Variants in TUT4 observed in about 807,000 individuals in gnomAD.
The protein encoded by TUT4 is terminal uridylyl transferase 4.
Under a neutral mutation model 192.2 loss-of-function variants are expected in TUT4, and 36 were observed. That is an observed-to-expected ratio of 0.19 (90% CI 0.14 to 0.25). The LOEUF (loss-of-function observed/expected upper bound fraction) is 0.25, where lower values mean the gene tolerates loss of function less well. Among genes scored for constraint, TUT4 ranks in the 10% least tolerant of loss-of-function variants. The pLI, the probability that TUT4 is intolerant of heterozygous loss-of-function variation, is 1.00. For missense variants in TUT4, 1,493 were observed against 1,957.2 expected (o/e 0.76, Z 4.47); for synonymous variants, 618 against 666.0 (o/e 0.93, Z 1.11).
At chr1:52,476,740 G>A (rs1667190741) in intron 12 of TUT4, among the ~76,000 whole-genome samples, 1 of 152,168 alleles carries the variant, frequency 6.6e-6, no homozygotes, top group South Asian at 2.1e-4. Flanking sequence ...TACAAGATGT[G>A]TATAAATGTT....
intron 20 of TUT4, among the ~76,000 whole-genome samples, chr1:52,452,618 T>G (rs542335859): frequency 2.0e-5 from 3 of 152,320 alleles, no homozygotes; most frequent in African/African-American, 7.2e-5. Flanking sequence ...CCAAATAGCT[T>G]CTTGATAGCT....
chr1:52,520,979 A>C (rs531404857), intron 2 of TUT4, among the ~76,000 whole-genome samples: 138 of 152,168 alleles, frequency 9.1e-4, no homozygotes, highest in African/African-American at 3.2e-3. Context: ...TTTTTAGTAG[A>C]AACGGGATTT....
intron 28 of TUT4, among the ~76,000 whole-genome samples, chr1:52,429,601 TA>T (rs1651343213): frequency 6.6e-6 from 1 of 151,216 alleles, no homozygotes; most frequent in South Asian, 2.1e-4. Flanking sequence ...TTTATTTATT[TA>T]TTTTTTTTTG....
At chr1:52,459,362 G>A (rs953881788) in intron 19 of TUT4, among the ~76,000 whole-genome samples, 2 of 151,888 alleles carry the variant, frequency 1.3e-5, no homozygotes, top group Non-Finnish European at 2.9e-5. Context: ...GCTGAGGAGG[G>A]TGGATTGCTT....
intron 9 of TUT4, among the ~76,000 whole-genome samples, chr1:52,482,527 C>T (rs1454594902): frequency 6.6e-6 from 1 of 152,144 alleles, no homozygotes; most frequent in Non-Finnish European, 1.5e-5. Context: ...GCAGGCTCAA[C>T]CTCCCAGCCT....
chr1:52,496,533 T>C (rs924301189), intron 5 of TUT4, among the ~76,000 whole-genome samples: 1 of 152,156 alleles, frequency 6.6e-6, no homozygotes, highest in Non-Finnish European at 1.5e-5. Context: ...AAAAAAGATA[T>C]GGGCTAAGCA....
At chr1:52,450,199 G>A (rs1658945398) in intron 20 of TUT4, among the ~76,000 whole-genome samples, 1 of 152,134 alleles carries the variant, frequency 6.6e-6, no homozygotes, top group Non-Finnish European at 1.5e-5. Flanking sequence ...AATTACAAAT[G>A]GAGGCAGACA....
intron 6 of TUT4, among the ~76,000 whole-genome samples, chr1:52,494,981 A>G (rs1175994652): frequency 6.6e-6 from 1 of 152,130 alleles, no homozygotes; most frequent in African/African-American, 2.4e-5. Context: ...ACCAGATACT[A>G]TATTAAGACA....
chr1:52,502,639 G>A (rs1674478613), intron 4 of TUT4, among the ~76,000 whole-genome samples: 1 of 101,670 alleles, frequency 9.8e-6, no homozygotes. Flanking sequence ...TTTTGAGATG[G>A]GATCTCACTC....
At chr1:52,534,894 A>T (rs542009364) in intron 1 of TUT4, 1 of 152,316 alleles carries the variant, frequency 6.6e-6, no homozygotes, top group African/African-American at 2.4e-5. Flanking sequence ...TAGGTTAGAA[A>T]TTATTCATTC....
At chr1:52,522,386 C>T (rs1449501629) in intron 2 of TUT4, among the ~76,000 whole-genome samples, 1 of 152,212 alleles carries the variant, frequency 6.6e-6, no homozygotes, top group Non-Finnish European at 1.5e-5. Context: ...ATTGCCATTG[C>T]ATGCCCACGT....
At chr1:52,544,281 C>G (rs1384082886) in intron 1 of TUT4, among the ~76,000 whole-genome samples, 1 of 148,484 alleles carries the variant, frequency 6.7e-6, no homozygotes, top group Non-Finnish European at 1.5e-5. Flanking sequence ...GAGTGAGACT[C>G]CATTTCAAAA....
At position 52,425,446 on chromosome 1, in the gene TUT4, G is replaced by A; in HGVS notation, c.4773C>T (p.Phe1591=). Residue 1591 remains phenylalanine, a synonymous_variant, in exon 29 of 30, where the codon TTC becomes TTT. Coordinates refer to ENST00000257177, the MANE Select transcript of TUT4 (RefSeq NM_001009881.3). ...IPWEHAPRPH[F]PLVPASWPYG... ...AAGGCCACGAAGCTGGGACAAGGGG[G>A]AAATGGGGACGCGGTGCATGTTCCC... The A allele has an allele frequency of 6.2e-7, 1 of 1,614,106 alleles. No individual in the cohort carries two copies. Among genetic ancestry groups the A allele is most frequent in the South Asian group, 1.1e-5 (1 of 91,072 alleles).
chr1:52,501,894 T>C (rs958164422), intron 4 of TUT4, among the ~76,000 whole-genome samples: 26 of 152,188 alleles, frequency 1.7e-4, no homozygotes, highest in African/African-American at 6.0e-4. Context: ...GTACCTACAA[T>C]AGACAAGCAA....
chr1:52,525,434 A>T, intron 2 of TUT4, 129 bp downstream of exon 2: 3 of 1,185,710 alleles, frequency 2.5e-6, no homozygotes, highest in Non-Finnish European at 3.4e-6. Context: ...ATTAATGTGG[A>T]TGTTTTCATA....
intron 27 of TUT4, chr1:52,431,681 T>A (rs1409541566): frequency 5.9e-6 from 2 of 341,844 alleles, no homozygotes; most frequent in African/African-American, 2.1e-5. Flanking sequence ...CAGACATGGT[T>A]CCCATCGTGC....
chr1:52,440,865 T>C (rs1655305979), intron 24 of TUT4, among the ~76,000 whole-genome samples: 1 of 152,236 alleles, frequency 6.6e-6, no homozygotes, highest in Admixed American at 6.5e-5. Context: ...AATATGCTAA[T>C]ACTAATAATT....
chr1:52,494,355 T>C (rs970665290), intron 6 of TUT4, among the ~76,000 whole-genome samples: 2 of 152,204 alleles, frequency 1.3e-5, no homozygotes, highest in Non-Finnish European at 2.9e-5. Flanking sequence ...AATACTATTT[T>C]ATGTAACAAG....
intron 28 of TUT4, among the ~76,000 whole-genome samples, chr1:52,425,901 A>G (rs1649747717): frequency 6.6e-6 from 1 of 152,158 alleles, no homozygotes; most frequent in Non-Finnish European, 1.5e-5. Flanking sequence ...AAGGAGTATC[A>G]TGTACAAAAG....
Sources: allele counts gnomAD v4.1 joint callset (sites outside exome capture counted in the v4.1 genomes callset), GRCh38; gene constraint gnomAD v4.1.1; transcripts MANE v1.5; gene names NCBI Gene and HGNC (gene_info 2026-07-23, HGNC 2026-07-21).